Variants in KCNH1 observed in about 807,000 individuals in gnomAD.
The protein encoded by KCNH1 is potassium voltage-gated channel subfamily H member 1.
Under a neutral mutation model 69.2 loss-of-function variants are expected in KCNH1, and 27 were observed. That is an observed-to-expected ratio of 0.39 (90% CI 0.29 to 0.54). The LOEUF (loss-of-function observed/expected upper bound fraction) is 0.54. Ranked by LOEUF, KCNH1 falls within the 20% of genes least tolerant of loss-of-function variation. The pLI, the probability that KCNH1 is intolerant of heterozygous loss-of-function variation, is 0.68. For synonymous variants in KCNH1, 456 were observed against 487.7 expected (o/e 0.93, Z 0.86); for missense variants, 798 against 1,261.6 (o/e 0.63, Z 5.57).
intron 6 of KCNH1, among the ~76,000 whole-genome samples, chr1:210,935,371 A>T (rs1260858864): frequency 6.6e-6 from 1 of 152,144 alleles, no homozygotes; most frequent in Non-Finnish European, 1.5e-5. Context: ...TGAGAAGGGG[A>T]GAGGGAATAG....
chr1:211,049,664 G>A (rs1302118865), intron 5 of KCNH1, among the ~76,000 whole-genome samples: 1 of 152,120 alleles, frequency 6.6e-6, no homozygotes, highest in Non-Finnish European at 1.5e-5. Flanking sequence ...TGTGGAGGAG[G>A]GCCTGGAAGG....
Position 210,935,782 on chromosome 1 carries a change from C to T in KCNH1, c.1033-15713G>A, listed in dbSNP as rs1443704119. Among the ~76,000 whole-genome samples, 3 of 152,284 alleles carry T rather than the reference C, an allele frequency of 2.0e-5. No individual in the cohort carries two copies. The East Asian group carries it at 5.8e-4, about 29-fold the overall frequency. ...GACAGTGAGAACCTATTTTAGTGAG[C>T]TTTATCCCTGAAGGCCAACATCTAC... On this transcript the variant is annotated intron_variant, in intron 6 of 10. Coordinates refer to ENST00000271751, the MANE Select transcript of KCNH1 (RefSeq NM_172362.3).
At position 211,044,078 on chromosome 1, in the gene KCNH1, G is replaced by A. The variant is rs533229639; in HGVS notation, c.559-24822C>T. 6.6e-5 allele frequency among the ~76,000 whole-genome samples: 10 copies of A among 152,230 alleles called. No homozygotes were observed. In the East Asian group the frequency reaches 1.9e-3, roughly 29 times the overall value. ...ACCACTTCTCTTGAACATAGTACTG[G>A]AATCCTAGCCAGAGCGATTAGACAA... On this transcript the variant is annotated intron_variant, in intron 5 of 10. Transcript: ENST00000271751.
At chr1:210,685,411 A>C (rs1363362129) in intron 10 of KCNH1, among the ~76,000 whole-genome samples, 1 of 152,184 alleles carries the variant, frequency 6.6e-6, no homozygotes, top group East Asian at 1.9e-4. Flanking sequence ...CAGGCCACTT[A>C]GACCCACCCA....
At chr1:211,023,952 T>C (rs1236570544) in intron 5 of KCNH1, among the ~76,000 whole-genome samples, 1 of 152,166 alleles carries the variant, frequency 6.6e-6, no homozygotes, top group Non-Finnish European at 1.5e-5. Flanking sequence ...TAAATGTTTC[T>C]AGCACAAAGA....
chr1:210,852,217 C>A (rs1685721189), intron 7 of KCNH1, among the ~76,000 whole-genome samples: 1 of 152,144 alleles, frequency 6.6e-6, no homozygotes, highest in African/African-American at 2.4e-5. Flanking sequence ...GGATTCCAGG[C>A]TGACGGAACA....
chr1:211,041,777 T>G (rs1258610613), intron 5 of KCNH1, among the ~76,000 whole-genome samples: 1 of 152,106 alleles, frequency 6.6e-6, no homozygotes, highest in East Asian at 1.9e-4. Context: ...TTTTTTGAGA[T>G]GGAGTTTCAC....
intron 10 of KCNH1, among the ~76,000 whole-genome samples, chr1:210,712,198 C>T (rs945286635): frequency 6.6e-6 from 1 of 152,208 alleles, no homozygotes; most frequent in Non-Finnish European, 1.5e-5. Flanking sequence ...ATAAAAGGAA[C>T]ATGGTAATGC....
intron 5 of KCNH1, among the ~76,000 whole-genome samples, chr1:211,025,294 A>G (rs150516140): frequency 6.6e-6 from 1 of 152,190 alleles, no homozygotes; most frequent in Non-Finnish European, 1.5e-5. Flanking sequence ...TTAGCTGAAT[A>G]CCCCTGTTTC....
intron 7 of KCNH1, among the ~76,000 whole-genome samples, chr1:210,866,512 A>T (rs1686113968): frequency 6.6e-6 from 1 of 152,204 alleles, no homozygotes; most frequent in Admixed American, 6.5e-5. Context: ...ACATGAAAAG[A>T]TGTTCAACAT....
At chr1:211,083,321 A>C (rs1690890846) in intron 4 of KCNH1, among the ~76,000 whole-genome samples, 1 of 152,208 alleles carries the variant, frequency 6.6e-6, no homozygotes, top group Non-Finnish European at 1.5e-5. Context: ...AGGCTATCTG[A>C]TCTTGCAGAA....
At chr1:210,719,693 T>C (rs182480576) in intron 10 of KCNH1, among the ~76,000 whole-genome samples, 30 of 152,170 alleles carry the variant, frequency 2.0e-4, no homozygotes, top group African/African-American at 7.0e-4. Flanking sequence ...CACATGTATC[T>C]CAGAACTTAA....
At chr1:210,895,404 C>G (rs1686844274) in intron 7 of KCNH1, among the ~76,000 whole-genome samples, 1 of 152,024 alleles carries the variant, frequency 6.6e-6, no homozygotes, top group Admixed American at 6.6e-5. Context: ...CTACCTTTTT[C>G]CATTGCCTCA....
intron 7 of KCNH1, among the ~76,000 whole-genome samples, chr1:210,911,767 C>T (rs1309164714): frequency 6.6e-6 from 1 of 152,094 alleles, no homozygotes; most frequent in African/African-American, 2.4e-5. Flanking sequence ...AATTCCTCTG[C>T]CCAGTGCAGT....
chr1:210,794,355 T>C (rs1415031631), intron 9 of KCNH1, among the ~76,000 whole-genome samples: 1 of 152,214 alleles, frequency 6.6e-6, no homozygotes, highest in African/African-American at 2.4e-5. Context: ...AGAAGCTTTT[T>C]CTAGTGTAGA....
intron 6 of KCNH1, among the ~76,000 whole-genome samples, chr1:210,970,176 C>G (rs891304481): frequency 6.6e-6 from 1 of 152,006 alleles, no homozygotes; most frequent in Non-Finnish European, 1.5e-5. Flanking sequence ...TATACCTGTG[C>G]CATGGTGGTT....
intron 7 of KCNH1, among the ~76,000 whole-genome samples, chr1:210,811,649 G>A (rs1476884129): frequency 6.6e-6 from 1 of 152,104 alleles, no homozygotes; most frequent in Non-Finnish European, 1.5e-5. Flanking sequence ...CATTATCAAT[G>A]GCTTGCAAAG....
chr1:211,126,510 C>CAA lies in KCNH1; in HGVS notation c.79+7355_79+7356dup, dbSNP rs397963989. Among the ~76,000 whole-genome samples, 11 of 118,568 alleles carry CAA rather than the reference C, an allele frequency of 9.3e-5. 1 individual carries two copies. The highest frequency in any genetic ancestry group is 1.7e-4 in the Admixed American group (2 of 11,732). The allele number at this position is 118,568 out of a possible 152,430, so 77.8% of individuals were successfully genotyped here. A position where few individuals can be genotyped will look rare whatever the true frequency, so the allele number is the denominator to read the frequency against. ...GGGTGACAGAGCGAGACTCTGTCTC[C>CAA]AAAAAAAAAAAAAAATTAGCTGGGT... is the stretch of plus-strand genomic sequence containing the variant. On this transcript the variant is annotated intron_variant, in intron 1 of 10. Transcript: ENST00000271751.
chr1:211,011,781 G>A (rs1475743338), intron 6 of KCNH1, among the ~76,000 whole-genome samples: 2 of 152,200 alleles, frequency 1.3e-5, no homozygotes, highest in Non-Finnish European at 2.9e-5. Flanking sequence ...GCAAGGCACA[G>A]CATCTACAGT....
Sources: gnomAD v4.1 joint callset for allele counts (sites outside exome capture counted in the v4.1 genomes callset) on GRCh38, gnomAD v4.1.1 for gene constraint, MANE v1.5 for transcripts, NCBI Gene and HGNC (gene_info 2026-07-23, HGNC 2026-07-21) for gene names.